The following CELF2 variants were observed in gnomAD, a reference collection of about 807,000 sequenced individuals.
CELF2 encodes the protein CUGBP Elav-like family member 2.
A neutral mutation model predicts 62.6 loss-of-function variants in CELF2; 8 were observed. The observed-to-expected ratio is 0.13, with a 90% CI of 0.07 to 0.23. CELF2 has a LOEUF of 0.23. Among genes scored for constraint, CELF2 ranks in the 10% least tolerant of loss-of-function variants. The pLI, the probability that CELF2 is intolerant of heterozygous loss-of-function variation, is 1.00. For synonymous variants in CELF2, 258 were observed against 250.0 expected (o/e 1.03, Z -0.30); for missense variants, 333 against 671.0 (o/e 0.50, Z 5.56).
At chr10:10,701,638 T>G in the CELF2 span, among the ~76,000 whole-genome samples, 1 of 152,222 alleles carries the variant, frequency 6.6e-6, no homozygotes, top group Non-Finnish European at 1.5e-5. Flanking sequence ...TTGTTGTTGT[T>G]GTTTTTCAAA....
chr10:10,973,468 C>G (rs1195277762), intron 2 of CELF2, among the ~76,000 whole-genome samples: 1 of 152,104 alleles, frequency 6.6e-6, no homozygotes, highest in African/African-American at 2.4e-5. Context: ...GCCAGGTTCT[C>G]CTGCAGACCA....
chr10:10,543,751 C>G, the CELF2 span, among the ~76,000 whole-genome samples: 2 of 112,978 alleles, frequency 1.8e-5, no homozygotes, highest in African/African-American at 6.6e-5. Flanking sequence ...AAGAGAGAAA[C>G]TCCATTTCAA....
At chr10:10,651,180 C>T in the CELF2 span, among the ~76,000 whole-genome samples, 7 of 121,764 alleles carry the variant, frequency 5.7e-5, 1 homozygote, top group East Asian at 8.2e-4. Flanking sequence ...AAAAACGGCG[C>T]ACCACGAGAT....
chr10:10,693,794 T>G, the CELF2 span, among the ~76,000 whole-genome samples: 1 of 151,776 alleles, frequency 6.6e-6, no homozygotes. Flanking sequence ...CTGGTTTATT[T>G]GCGTAGAGGT....
At chr10:10,906,092 A>T (rs958911116) in intron 1 of CELF2, among the ~76,000 whole-genome samples, 2 of 151,998 alleles carry the variant, frequency 1.3e-5, no homozygotes, top group Non-Finnish European at 2.9e-5. Flanking sequence ...AAATAAAAAT[A>T]AAAAAATAAA....
chr10:10,754,921 T>C, the CELF2 span, among the ~76,000 whole-genome samples: 1 of 152,228 alleles, frequency 6.6e-6, no homozygotes, highest in African/African-American at 2.4e-5. Context: ...GAGAATATGC[T>C]TTGTGAATTA....
intron 1 of CELF2, among the ~76,000 whole-genome samples, chr10:11,060,010 A>T (rs2066335110): frequency 6.6e-6 from 1 of 152,228 alleles, no homozygotes. Flanking sequence ...TGTATCAGAA[A>T]CACATCTTTG....
chr10:10,483,434 T>C, the CELF2 span, among the ~76,000 whole-genome samples: 1 of 152,204 alleles, frequency 6.6e-6, no homozygotes, highest in African/African-American at 2.4e-5. Context: ...AGGAGTCCAC[T>C]GGGTATGTAA....
chr10:11,265,845 T>G (rs767793478), intron 5 of CELF2, among the ~76,000 whole-genome samples: 3 of 152,246 alleles, frequency 2.0e-5, no homozygotes, highest in Non-Finnish European at 2.9e-5. Context: ...AGGTCAAATC[T>G]TTGATACGTT....
intron 2 of CELF2, among the ~76,000 whole-genome samples, chr10:11,181,702 A>T (rs1399133898): frequency 6.6e-6 from 1 of 152,210 alleles, no homozygotes; most frequent in Non-Finnish European, 1.5e-5. Context: ...TTGCATACGC[A>T]TTTGTCATCT....
At chr10:10,518,717 A>AT in the CELF2 span, among the ~76,000 whole-genome samples, 717 of 145,986 alleles carry the variant, frequency 4.9e-3, 5 homozygotes, top group African/African-American at 0.018. Flanking sequence ...CCACAAAATG[A>AT]TTTTTTTTTA....
chr10:11,103,734 C>T (rs963632215), intron 1 of CELF2, among the ~76,000 whole-genome samples: 1 of 152,052 alleles, frequency 6.6e-6, no homozygotes, highest in Non-Finnish European at 1.5e-5. Context: ...AGATTGAGTT[C>T]TGATTACTGG....
chr10:10,893,965 AAGCACT>A (rs1244541562), intron 1 of CELF2, among the ~76,000 whole-genome samples: 2 of 152,204 alleles, frequency 1.3e-5, no homozygotes, highest in African/African-American at 4.8e-5. Context: ...ATCAGAAGGC[AAGCACT>A]AGGAGCTCTT....
intron 4 of CELF2, among the ~76,000 whole-genome samples, chr10:11,252,560 A>T (rs1450276795): frequency 6.6e-6 from 1 of 152,216 alleles, no homozygotes; most frequent in Admixed American, 6.5e-5. Context: ...TGAGAGAGGG[A>T]ACCTCTGGGG....
the CELF2 span, among the ~76,000 whole-genome samples, chr10:10,589,413 C>A: frequency 7.9e-5 from 12 of 152,376 alleles, no homozygotes; most frequent in South Asian, 2.3e-3. Flanking sequence ...GCTTATCCAA[C>A]TATCCCTTCC....
intron 1 of CELF2, among the ~76,000 whole-genome samples, chr10:10,907,272 T>A (rs2063428046): frequency 6.6e-6 from 1 of 152,220 alleles, no homozygotes; most frequent in Non-Finnish European, 1.5e-5. Context: ...TGGAATTTTT[T>A]AAAGTATGTT....
chr10:11,190,267 C>T (rs553067545), intron 2 of CELF2, among the ~76,000 whole-genome samples: 11 of 152,256 alleles, frequency 7.2e-5, no homozygotes, highest in Admixed American at 5.9e-4. Context: ...ATTCAGTACA[C>T]ATTTACTGGC....
the CELF2 span, among the ~76,000 whole-genome samples, chr10:10,551,644 C>T: frequency 2.6e-5 from 4 of 152,162 alleles, no homozygotes; most frequent in Non-Finnish European, 4.4e-5. Context: ...CCCTGCACAG[C>T]CCCACTCTGC....
upstream of CELF2, among the ~76,000 whole-genome samples, chr10:11,000,717 T>C (rs1020802418): frequency 2.0e-4 from 30 of 152,230 alleles, no homozygotes; most frequent in African/African-American, 7.2e-4. Context: ...TCTTTAGCAA[T>C]GCTACTGGTG....
Sources: allele counts gnomAD v4.1 joint callset (sites outside exome capture counted in the v4.1 genomes callset), GRCh38; gene constraint gnomAD v4.1.1; transcripts MANE v1.5; gene names NCBI Gene and HGNC (gene_info 2026-07-23, HGNC 2026-07-21).